NPAS3: variants seen among roughly 807,000 people sequenced by gnomAD.
NPAS3 encodes the protein neuronal PAS domain protein 3.
In NPAS3, 14 loss-of-function variants were observed where a neutral mutation model predicts 73.1. The ratio of observed to expected loss-of-function variants is 0.19; its 90% CI spans 0.13 to 0.30. The LOEUF (loss-of-function observed/expected upper bound fraction) is 0.30. Ranked by LOEUF, NPAS3 falls within the 10% of genes least tolerant of loss-of-function variation. The pLI is 1.00. For synonymous variants in NPAS3, 620 were observed against 541.5 expected (o/e 1.14, Z -2.01); for missense variants, 1,096 against 1,250.0 (o/e 0.88, Z 1.86).
intron 6 of NPAS3, among the ~76,000 whole-genome samples, chr14:33,700,862 G>T (rs76210027): frequency 0.024 from 3,670 of 152,290 alleles, 67 homozygotes; most frequent in Middle Eastern, 0.051. Flanking sequence ...ACCCAGTGTG[G>T]AAGATTTCGC....
rs147475167 is a variant in NPAS3, at chr14:33,062,493, C to T, written c.140+6499C>T. Among the ~76,000 whole-genome samples, 331 of 152,142 alleles carry T rather than the reference C, an allele frequency of 2.2e-3. 1 individual carries two copies. Among genetic ancestry groups the T allele is most frequent in the African/African-American group, 7.7e-3 (318 of 41,528 alleles). ...CAGACCACTTGTAATTCAAGATAAA[C>T]GAATGCCAGAGAGTAAAAATGGATA... is the stretch of plus-strand genomic sequence containing the variant. On this transcript the variant is annotated intron_variant, in intron 2 of 11. Coordinates refer to ENST00000356141, the Ensembl canonical transcript of NPAS3.
At chr14:33,065,806 A>G (rs960709062) in intron 2 of NPAS3, among the ~76,000 whole-genome samples, 1 of 152,082 alleles carries the variant, frequency 6.6e-6, no homozygotes, top group African/African-American at 2.4e-5. Context: ...CTTTCATAAC[A>G]GCATCATTTT....
chr14:33,321,701 G>C (rs61972731), intron 3 of NPAS3, among the ~76,000 whole-genome samples: 19,729 of 151,744 alleles, frequency 0.13, 1,405 homozygotes, highest in African/African-American at 0.18. Flanking sequence ...GTGTGGTGGT[G>C]GGTTAATGCA....
At chr14:33,255,437 C>T (rs192727403) in intron 3 of NPAS3, among the ~76,000 whole-genome samples, 5 of 152,224 alleles carry the variant, frequency 3.3e-5, no homozygotes, top group South Asian at 2.1e-4. Context: ...ATAATAATTA[C>T]GATATGAACC....
chr14:33,790,998 T>C (rs1387384046), intron 9 of NPAS3, among the ~76,000 whole-genome samples: 25 of 152,194 alleles, frequency 1.6e-4, no homozygotes, highest in Admixed American at 1.6e-3. Context: ...TTGGTAAACA[T>C]GTTGTCCCAA....
intron 5 of NPAS3, among the ~76,000 whole-genome samples, chr14:33,613,308 T>G (rs2057808739): frequency 6.6e-6 from 1 of 152,162 alleles, no homozygotes; most frequent in African/African-American, 2.4e-5. Flanking sequence ...CTTTGAGGAC[T>G]TGTGACCAAG....
At position 33,442,607 on chromosome 14, in the gene NPAS3, C is replaced by T. The variant is rs920072235; in HGVS notation, c.468+75339C>T. ...GATCTGATGCTTTTGTAAGGGGCTTCGCCCTTCACTTGGCTCTGTCTTCTC... is the reference window on the plus strand; with the variant it reads ...GATCTGATGCTTTTGTAAGGGGCTTTGCCCTTCACTTGGCTCTGTCTTCTC... On this transcript the variant is annotated intron_variant, in intron 4 of 11. Coordinates refer to ENST00000356141, the Ensembl canonical transcript of NPAS3. Among the ~76,000 whole-genome samples, 9 of 152,280 alleles carry T rather than the reference C, an allele frequency of 5.9e-5. No homozygotes were observed. The East Asian group carries it at 1.2e-3, about 20-fold the overall frequency.
rs750334763 is a variant in NPAS3 at position 33,799,760 on chromosome 14, G to A, written c.1453G>A (p.Glu485Lys). ...GGACAACGAGAACTCCAAGTCCGAC[G>A]AGAAGGGGAACCAGTCCGAGAACAG... is the stretch of plus-strand genomic sequence containing the variant. The change falls in exon 12 of 12, where the codon GAG becomes AAG. Residue 485 changes from glutamate (E) to lysine (K), a missense_variant. Transcript: ENST00000356141. 1.1e-5 allele frequency: 17 copies of A among 1,590,354 alleles called. No homozygotes were observed. The highest frequency in any genetic ancestry group is 1.4e-5 in the Non-Finnish European group (16 of 1,168,418).
At chr14:33,668,253 A>T (rs1239451171) in intron 5 of NPAS3, among the ~76,000 whole-genome samples, 1 of 152,220 alleles carries the variant, frequency 6.6e-6, no homozygotes, top group Non-Finnish European at 1.5e-5. Flanking sequence ...CCTGGTGAGA[A>T]CCACTGTTGC....
chr14:33,795,588 CT>C (rs2063489524), intron 10 of NPAS3, among the ~76,000 whole-genome samples: 1 of 152,102 alleles, frequency 6.6e-6, no homozygotes, highest in Admixed American at 6.5e-5. Context: ...AACAGGCACC[CT>C]AGGGCTAGCA....
intron 1 of NPAS3, among the ~76,000 whole-genome samples, chr14:32,963,991 A>G (rs2037041071): frequency 6.6e-6 from 1 of 152,060 alleles, no homozygotes; most frequent in African/African-American, 2.4e-5. Flanking sequence ...CCTTAAAATC[A>G]TATTCAAAGA....
intron 4 of NPAS3, among the ~76,000 whole-genome samples, chr14:33,542,738 C>G (rs1003417193): frequency 3.9e-5 from 6 of 152,152 alleles, no homozygotes; most frequent in African/African-American, 1.4e-4. Flanking sequence ...CCCGTGTAAA[C>G]AAAGAACTGG....
chr14:33,374,392 T>G (rs1485340191), intron 4 of NPAS3, among the ~76,000 whole-genome samples: 1 of 152,166 alleles, frequency 6.6e-6, no homozygotes, highest in Non-Finnish European at 1.5e-5. Flanking sequence ...GGGCATATCC[T>G]AGAATCATGA....
chr14:33,103,134 A>G (rs967749193), intron 2 of NPAS3, among the ~76,000 whole-genome samples: 1 of 152,192 alleles, frequency 6.6e-6, no homozygotes, highest in Non-Finnish European at 1.5e-5. Context: ...ATTCAGGTAA[A>G]GTATTGGGAA....
intron 4 of NPAS3, among the ~76,000 whole-genome samples, chr14:33,376,765 T>G (rs942917336): frequency 2.6e-5 from 4 of 152,210 alleles, no homozygotes; most frequent in African/African-American, 9.6e-5. Context: ...AATGGTCTCT[T>G]GCCCTCTCTA....
intron 5 of NPAS3, among the ~76,000 whole-genome samples, chr14:33,648,619 C>G (rs1567086926): frequency 6.6e-6 from 1 of 152,166 alleles, no homozygotes; most frequent in African/African-American, 2.4e-5. Flanking sequence ...AGGGACAGCA[C>G]AAAAAGTATT....
intron 5 of NPAS3, among the ~76,000 whole-genome samples, chr14:33,659,593 T>C (rs1361988221): frequency 6.6e-6 from 1 of 152,120 alleles, no homozygotes; most frequent in Non-Finnish European, 1.5e-5. Context: ...AATGACACAA[T>C]TAAAACTAGA....
chr14:33,297,674 T>C (rs1366229897), intron 3 of NPAS3, among the ~76,000 whole-genome samples: 2 of 152,234 alleles, frequency 1.3e-5, no homozygotes, highest in Non-Finnish European at 2.9e-5. Context: ...TTGGTCCTGC[T>C]GTCAGGATCC....
chr14:33,181,262 G>T (rs2045789362), intron 2 of NPAS3, among the ~76,000 whole-genome samples: 1 of 152,212 alleles, frequency 6.6e-6, no homozygotes, highest in African/African-American at 2.4e-5. Flanking sequence ...GGAAGGAAAA[G>T]AGGAAGGAGG....
Sources: gnomAD v4.1 joint callset for allele counts (sites outside exome capture counted in the v4.1 genomes callset) on GRCh38, gnomAD v4.1.1 for gene constraint, MANE v1.5 for transcripts, NCBI Gene and HGNC (gene_info 2026-07-23, HGNC 2026-07-21) for gene names.